CPA6: variants seen among roughly 807,000 people sequenced by gnomAD.
CPA6 encodes the protein carboxypeptidase A6, also known as carboxypeptidase B.
A neutral mutation model predicts 63.3 loss-of-function variants in CPA6; 58 were observed. The ratio of observed to expected loss-of-function variants is 0.92; its 90% CI spans 0.74 to 1.14. CPA6 has a LOEUF of 1.14. Among genes scored for constraint, CPA6 ranks in the 50% most tolerant of loss-of-function variants. CPA6 has a pLI of 0.00. For missense variants in CPA6, 565 were observed against 526.6 expected, an observed-to-expected ratio of 1.07 and a Z score of -0.71; for synonymous variants, 185 against 179.0, an observed-to-expected ratio of 1.03 and a Z score of -0.27.
chr8:67,439,589 CA>C (rs199857229), intron 8 of CPA6, among the ~76,000 whole-genome samples: 5,272 of 118,508 alleles, frequency 0.044, 281 homozygotes, highest in African/African-American at 0.14. Context: ...GACTCGGTCT[CA>C]AAAAAAAAAA....
chr8:67,501,542 A>G lies in CPA6; in HGVS notation c.636+5245T>C, dbSNP rs553958334. On this transcript the variant is annotated intron_variant, in intron 6 of 10. Coordinates refer to ENST00000297770, the MANE Select transcript of CPA6 (RefSeq NM_020361.5). ...TAATTTTTCTTCTTTAGCTTTTAAT[A>G]CAGTGGATTACAATGATTAACTTTT... is the stretch of plus-strand genomic sequence containing the variant. Among the ~76,000 whole-genome samples the G allele has an allele frequency of 3.3e-5, 5 of 152,294 alleles. No homozygotes were observed. In the South Asian group the frequency reaches 1.0e-3, roughly 32 times the overall value.
chr8:67,590,495 C>T (rs1352848740), intron 2 of CPA6, among the ~76,000 whole-genome samples: 3 of 151,504 alleles, frequency 2.0e-5, no homozygotes, highest in East Asian at 1.9e-4. Context: ...AACTAGTTTA[C>T]GGTCCCACCA....
intron 2 of CPA6, among the ~76,000 whole-genome samples, chr8:67,534,279 G>A (rs1812537258): frequency 1.3e-5 from 2 of 152,036 alleles, no homozygotes; most frequent in Non-Finnish European, 1.5e-5. Flanking sequence ...GCTGGCCATG[G>A]CCTGGGATAG....
chr8:67,460,078 T>C (rs1810766847), intron 8 of CPA6, among the ~76,000 whole-genome samples: 2 of 152,206 alleles, frequency 1.3e-5, no homozygotes, highest in Non-Finnish European at 2.9e-5. Flanking sequence ...CTCCTTCCTC[T>C]GGGAGCGTGA....
At chr8:67,436,169 T>C (rs1339189247) in intron 8 of CPA6, among the ~76,000 whole-genome samples, 1 of 152,106 alleles carries the variant, frequency 6.6e-6, no homozygotes, top group Non-Finnish European at 1.5e-5. Context: ...ATTCTCACCT[T>C]CAAAGAGTCC....
At chr8:67,736,602 C>T (rs1463901896) in intron 1 of CPA6, among the ~76,000 whole-genome samples, 1 of 152,168 alleles carries the variant, frequency 6.6e-6, no homozygotes, top group Non-Finnish European at 1.5e-5. Context: ...TTCTTCTCTG[C>T]CTTTCCCCTT....
intron 10 of CPA6, among the ~76,000 whole-genome samples, chr8:67,426,800 C>T (rs1364428328): frequency 6.6e-6 from 1 of 152,164 alleles, no homozygotes; most frequent in East Asian, 1.9e-4. Context: ...CATGATTTCT[C>T]ACTAGATTTT....
chr8:67,483,168 C>A (rs1027539412), intron 8 of CPA6: 2 of 152,536 alleles, frequency 1.3e-5, no homozygotes, highest in African/African-American at 4.8e-5. Flanking sequence ...AGTAAACTAG[C>A]CATGACTAAT....
intron 2 of CPA6, among the ~76,000 whole-genome samples, chr8:67,520,014 T>C (rs147071192): frequency 3.7e-4 from 56 of 152,302 alleles, no homozygotes; most frequent in Admixed American, 6.5e-4. Flanking sequence ...GTTGGTATCT[T>C]TCACTTTTCT....
intron 8 of CPA6, among the ~76,000 whole-genome samples, chr8:67,459,816 A>G (rs961565278): frequency 3.3e-5 from 5 of 152,218 alleles, no homozygotes; most frequent in Non-Finnish European, 5.9e-5. Context: ...ATGAATTCCA[A>G]TGTAAACTAT....
chr8:67,440,269 A>G (rs1810260741), intron 8 of CPA6, among the ~76,000 whole-genome samples: 1 of 152,098 alleles, frequency 6.6e-6, no homozygotes, highest in South Asian at 2.1e-4. Context: ...GTATCACTTA[A>G]AGAAAGACAT....
chr8:67,616,446 C>T (rs1453487055), intron 2 of CPA6, among the ~76,000 whole-genome samples: 1 of 150,332 alleles, frequency 6.7e-6, no homozygotes, highest in East Asian at 2.0e-4. Flanking sequence ...CTTAAGACTG[C>T]AGAGGAGAAG....
At chr8:67,646,127 C>T (rs758085451) in intron 1 of CPA6, among the ~76,000 whole-genome samples, 1 of 152,204 alleles carries the variant, frequency 6.6e-6, no homozygotes, top group Non-Finnish European at 1.5e-5. Context: ...AACACTGCAA[C>T]CAGCACCATG....
At chr8:67,617,997 G>A (rs923964914) in intron 2 of CPA6, among the ~76,000 whole-genome samples, 2 of 152,186 alleles carry the variant, frequency 1.3e-5, no homozygotes, top group East Asian at 1.9e-4. Context: ...AGGAAACATC[G>A]ATTTTAAAGG....
intron 8 of CPA6, among the ~76,000 whole-genome samples, chr8:67,461,795 G>C (rs929982782): frequency 3.3e-5 from 5 of 151,678 alleles, no homozygotes; most frequent in Middle Eastern, 3.5e-3. Context: ...CCTCCCGGAC[G>C]GGGCGGCTGG....
intron 1 of CPA6, among the ~76,000 whole-genome samples, chr8:67,672,677 G>T (rs1401934592): frequency 2.0e-5 from 3 of 152,140 alleles, no homozygotes; most frequent in Non-Finnish European, 4.4e-5. Flanking sequence ...ATTTCATTTT[G>T]AAAACAGTAT....
intron 9 of CPA6, 69 bp from the exon 10 acceptor site, chr8:67,428,200 T>C: frequency 1.2e-6 from 1 of 843,628 alleles, no homozygotes; most frequent in Non-Finnish European, 2.0e-6. Flanking sequence ...GCTATGTTGT[T>C]TGAGCCTCAT....
At chr8:67,701,725 A>G (rs1207521364) in intron 1 of CPA6, among the ~76,000 whole-genome samples, 1 of 152,226 alleles carries the variant, frequency 6.6e-6, no homozygotes, top group Non-Finnish European at 1.5e-5. Flanking sequence ...CCAAAACTGC[A>G]ACTTAGGAAT....
At chr8:67,715,091 G>GC (rs1554537947) in intron 1 of CPA6, among the ~76,000 whole-genome samples, 9 of 150,548 alleles carry the variant, frequency 6.0e-5, no homozygotes. Flanking sequence ...TGTGGTTTTT[G>GC]TTTTTTTTTC....
Sources: gnomAD v4.1 joint callset for allele counts (sites outside exome capture counted in the v4.1 genomes callset) on GRCh38, gnomAD v4.1.1 for gene constraint, MANE v1.5 for transcripts, NCBI Gene and HGNC (gene_info 2026-07-23, HGNC 2026-07-21) for gene names.